The following LLGL2 variants were observed in gnomAD, a reference collection of about 807,000 sequenced individuals.
The protein encoded by LLGL2 is LLGL scribble cell polarity complex component 2, also known as LLGL2, scribble cell polarity complex component.
In LLGL2, 81 loss-of-function variants were observed where a neutral mutation model predicts 123.2. The observed-to-expected ratio is 0.66, with a 90% CI of 0.55 to 0.79. LLGL2 has a LOEUF of 0.79. LLGL2 is among the 30% of genes least tolerant of loss of function. The pLI is 0.00. For missense variants in LLGL2, 1,273 were observed against 1,414.6 expected (o/e 0.90, Z 1.61); for synonymous variants, 577 against 594.1 (o/e 0.97, Z 0.42).
chr17:75,528,277 G>A (rs528428121), intron 1 of LLGL2, among the ~76,000 whole-genome samples: 30 of 151,900 alleles, frequency 2.0e-4, no homozygotes, highest in Admixed American at 6.6e-4. Flanking sequence ...CATCACGCCC[G>A]GCTAATTTTT....
chr17:75,572,399 C>T (rs887502272), intron 19 of LLGL2, among the ~76,000 whole-genome samples: 2 of 152,110 alleles, frequency 1.3e-5, no homozygotes, highest in Non-Finnish European at 2.9e-5. Context: ...CGCGGTGGCT[C>T]ATGCCTGTAA....
rs2055843709 is a variant in LLGL2 at position 75,573,773 on chromosome 17, C to T, written c.2876+142C>T. The T allele has an allele frequency of 8.2e-6, 10 of 1,213,672 alleles. No individual in the cohort carries two copies. In the South Asian group the frequency reaches 1.3e-4, roughly 16 times the overall value. 75.2% of individuals were successfully genotyped at this position (1,213,672 alleles called of 1,614,324 possible). A position where few individuals can be genotyped will look rare whatever the true frequency, so the allele number is the denominator to read the frequency against. On this transcript the variant is annotated intron_variant, in intron 21 of 25. Transcript: ENST00000392550. ...CCTCCCAGGCTCCGGCTCTCCTTGCCTCTTTGCGTGCCCCTTGCCCCTGTG... is the reference window on the plus strand; with the variant it reads ...CCTCCCAGGCTCCGGCTCTCCTTGCTTCTTTGCGTGCCCCTTGCCCCTGTG...
intron 1 of LLGL2, among the ~76,000 whole-genome samples, chr17:75,542,209 C>T (rs114250197): frequency 0.016 from 2,454 of 152,046 alleles, 64 homozygotes; most frequent in African/African-American, 0.056. Context: ...CCCAAGAACG[C>T]GAAATCCTTC....
At chr17:75,573,755 G>A in intron 21 of LLGL2, 124 bp downstream of exon 21, 1 of 1,176,424 alleles carries the variant, frequency 8.5e-7, no homozygotes, top group Non-Finnish European at 1.2e-6. Context: ...CACCCTCCCA[G>A]GCTCCGGCTC....
rs761967911 is a variant in LLGL2 at position 75,556,118 on chromosome 17, G to A, written c.148G>A (p.Gly50Ser). ...CCCGTCCCTGCGCATCCTGGCCATC[G>A]GCACCCGTTCTGGAGCCATCAAGCT... ...YSPSLRILAI[G>S]TRSGAIKLYG... The change falls in exon 3 of 26, where the codon GGC (glycine) becomes AGC (serine). Residue 50 changes from glycine to serine, a missense_variant. Gly to Ser is a moderately conservative substitution (Grantham distance 56). Coordinates refer to ENST00000392550, the MANE Select transcript of LLGL2 (RefSeq NM_001031803.2). 5 of 1,610,116 alleles carry A rather than the reference G, an allele frequency of 3.1e-6. No individual in the cohort carries two copies. Among genetic ancestry groups the A allele is most frequent in the Admixed American group, 1.7e-5 (1 of 60,024 alleles).
At chr17:75,562,915 G>A in intron 6 of LLGL2, 101 bp from the exon 7 acceptor site, 2 of 1,408,666 alleles carry the variant, frequency 1.4e-6, no homozygotes, top group Non-Finnish European at 9.7e-7. Flanking sequence ...CTGGCACATG[G>A]AGCAGCCACC....
At chr17:75,571,539 G>A (rs2055706770) in intron 17 of LLGL2, 128 bp from the exon 18 acceptor site, 1 of 707,858 alleles carries the variant, frequency 1.4e-6, no homozygotes, top group Non-Finnish European at 2.5e-6. Flanking sequence ...CTATGTTGGG[G>A]CCTGTGTGGT....
chr17:75,560,011 C>T (rs913317945), intron 6 of LLGL2, among the ~76,000 whole-genome samples: 2 of 152,160 alleles, frequency 1.3e-5, no homozygotes, highest in Non-Finnish European at 2.9e-5. Flanking sequence ...GGGGCCGGGT[C>T]GGTCATGGTG....
chr17:75,557,878 C>G (rs534188459), intron 3 of LLGL2: 4 of 483,000 alleles, frequency 8.3e-6, no homozygotes, highest in South Asian at 4.0e-5. Context: ...GGCAGCCTGA[C>G]AGTTGCCAGG....
intron 10 of LLGL2, among the ~76,000 whole-genome samples, chr17:75,565,226 C>T (rs987081907): frequency 1.3e-5 from 2 of 152,240 alleles, no homozygotes; most frequent in African/African-American, 4.8e-5. Context: ...CGGCAGAGCC[C>T]TGAGTCAGCC....
chr17:75,574,363 C>A, intron 23 of LLGL2, 90 bp from the exon 24 acceptor site: 1 of 1,535,334 alleles, frequency 6.5e-7, no homozygotes, highest in Non-Finnish European at 8.8e-7. Flanking sequence ...GGGTACAGAT[C>A]CATGGGCACC....
chr17:75,562,809 G>T, intron 6 of LLGL2: 2 of 608,176 alleles, frequency 3.3e-6, no homozygotes, highest in Admixed American at 3.0e-5. Context: ...ACCTCAAGTG[G>T]CCTGCCCACC....
In LLGL2 at chr17:75,559,454, T is replaced by A; in HGVS notation, c.530+44T>A. ...TGCTGTTAACTCCATCCCCTCAAGT[T>A]AGGCATGGCTTCTCCCCTTGGTCCC... On this transcript the variant is annotated intron_variant, in intron 6 of 25. Transcript: ENST00000392550. The surrounding 1 kb of genome is among the most constrained non-coding windows in gnomAD (Gnocchi z 4.6). 1 of 1,551,164 alleles carries A rather than the reference T, an allele frequency of 6.4e-7. No individual in the cohort carries two copies. Among genetic ancestry groups the A allele is most frequent in the South Asian group, 1.2e-5 (1 of 82,854 alleles).
intron 1 of LLGL2, among the ~76,000 whole-genome samples, chr17:75,539,661 G>A (rs1598525330): frequency 6.7e-6 from 1 of 150,086 alleles, no homozygotes. Context: ...AGACTGGAGT[G>A]CAGTGGTGCG....
At position 75,558,453 on chromosome 17, in the gene LLGL2, T is replaced by G; in HGVS notation, c.256-59T>G. ...AACAACTGGGGCTGCGTGGCCCCAG[T>G]GTGTAAAGGCCTTGCCTGGGTAGCA... is the stretch of plus-strand genomic sequence containing the variant. On this transcript the variant is annotated intron_variant, in intron 4 of 25. Transcript: ENST00000392550. The surrounding 1 kb of genome is among the most constrained non-coding windows in gnomAD (Gnocchi z 4.0). The G allele has an allele frequency of 2.1e-6, 3 of 1,415,964 alleles. No homozygotes were observed. Among genetic ancestry groups the G allele is most frequent in the Non-Finnish European group, 2.9e-6 (3 of 1,030,206 alleles). The allele number at this position is 1,415,964 out of a possible 1,614,324, so 87.7% of individuals were successfully genotyped here. A position where few individuals can be genotyped will look rare whatever the true frequency, so the allele number is the denominator to read the frequency against.
chr17:75,574,153 G>A, intron 22 of LLGL2, 60 bp from the exon 23 acceptor site: 2 of 1,522,692 alleles, frequency 1.3e-6, no homozygotes, highest in Non-Finnish European at 1.8e-6. Context: ...AGTAAGGAGA[G>A]AGAGAGCCAG....
intron 1 of LLGL2, among the ~76,000 whole-genome samples, chr17:75,532,142 A>G (rs923751681): frequency 2.2e-5 from 3 of 137,770 alleles, no homozygotes; most frequent in African/African-American, 5.6e-5. Context: ...GTGCAATGGC[A>G]TGATTTCGGC....
chr17:75,563,221 C>T, intron 7 of LLGL2, 43 bp downstream of exon 7: 1 of 1,610,434 alleles, frequency 6.2e-7, no homozygotes, highest in Non-Finnish European at 8.5e-7. Flanking sequence ...GTTGCTCTCC[C>T]AGGGCCCCAA....
intron 6 of LLGL2, chr17:75,562,333 C>G (rs1462326446): frequency 6.5e-6 from 1 of 152,980 alleles, no homozygotes; most frequent in Non-Finnish European, 1.5e-5. Context: ...TCTTGTAGAG[C>G]ATCCTTGCAG....
Sources: gnomAD v4.1 joint callset for allele counts (sites outside exome capture counted in the v4.1 genomes callset) on GRCh38, gnomAD v4.1.1 for gene constraint, Gnocchi (gnomAD v3.1) non-coding constraint, MANE v1.5 for transcripts, NCBI Gene and HGNC (gene_info 2026-07-23, HGNC 2026-07-21) for gene names.